The following AMPH variants were observed in gnomAD, a reference collection of about 807,000 sequenced individuals.
The protein encoded by AMPH is amphiphysin (Stiff-Mann syndrome with breast cancer 128kD autoantigen).
Under a neutral mutation model 99.1 loss-of-function variants are expected in AMPH, and 49 were observed. That is an observed-to-expected ratio of 0.49 (90% CI 0.39 to 0.63). AMPH has a LOEUF of 0.63. Ranked by LOEUF, AMPH falls within the 20% of genes least tolerant of loss-of-function variation. The pLI, the probability that AMPH is intolerant of heterozygous loss-of-function variation, is 0.00. For missense variants in AMPH, 759 were observed against 863.4 expected (o/e 0.88, Z 1.52); for synonymous variants, 314 against 317.3 (o/e 0.99, Z 0.11).
At chr7:38,507,177 T>C (rs1285412970) in intron 2 of AMPH, among the ~76,000 whole-genome samples, 2 of 152,152 alleles carry the variant, frequency 1.3e-5, no homozygotes, top group Non-Finnish European at 2.9e-5. Flanking sequence ...TGGATTCATC[T>C]TGTCGAAGGG....
At chr7:38,481,169 T>C (rs1788269506) in intron 5 of AMPH, among the ~76,000 whole-genome samples, 1 of 152,158 alleles carries the variant, frequency 6.6e-6, no homozygotes, top group Non-Finnish European at 1.5e-5. Context: ...TCAATCTTAT[T>C]TCCTTACCTA....
chr7:38,598,130 C>T (rs1228258574), intron 1 of AMPH, among the ~76,000 whole-genome samples: 1 of 152,196 alleles, frequency 6.6e-6, no homozygotes, highest in Non-Finnish European at 1.5e-5. Context: ...TAATTTTCCA[C>T]TGATTTGTCT....
intron 11 of AMPH, among the ~76,000 whole-genome samples, chr7:38,460,298 A>G (rs1366908183): frequency 6.6e-6 from 1 of 152,194 alleles, no homozygotes; most frequent in African/African-American, 2.4e-5. Flanking sequence ...CAAAAAAACT[A>G]AAAATAGAAC....
Position 38,394,085 on chromosome 7 carries a change from C to T in AMPH, c.1528G>A (p.Ala510Thr), listed in dbSNP as rs574824661. 5 of 1,614,156 alleles carry T rather than the reference C, an allele frequency of 3.1e-6. No individual in the cohort carries two copies. The highest frequency in any genetic ancestry group is 4.2e-6 in the Non-Finnish European group (5 of 1,180,034). ...PAGEGVSLEE[A>T]KIGTETTEGA... The stretch of plus-strand genomic sequence containing the variant: ...TCAGTGGTTTCAGTTCCAATTTTGG[C>T]CTCCTCTAAACTTACTCCTTCCCCG... Residue 510 changes from alanine (A) to threonine (T), a missense_variant, in exon 18 of 21, where the codon GCC becomes ACC. Physicochemically the swap from Ala to Thr is moderately conservative, Grantham distance 58 (BLOSUM62 0). Around this residue, in one of 2 missense-constraint regions of AMPH, gnomAD observed 554 missense variants for 575.6 expected, o/e 0.96. Transcript: ENST00000356264.
At chr7:38,552,470 C>T (rs1361102557) in intron 1 of AMPH, among the ~76,000 whole-genome samples, 1 of 152,164 alleles carries the variant, frequency 6.6e-6, no homozygotes, top group African/African-American at 2.4e-5. Context: ...AAGTAAGCAA[C>T]ATGAACTAAT....
At chr7:38,595,113 G>A (rs2129059354) in intron 1 of AMPH, among the ~76,000 whole-genome samples, 1 of 152,284 alleles carries the variant, frequency 6.6e-6, no homozygotes. Flanking sequence ...TGACCAGGGA[G>A]GGACAGAGGG....
At chr7:38,439,954 C>T (rs1448116599) in intron 11 of AMPH, among the ~76,000 whole-genome samples, 1 of 152,138 alleles carries the variant, frequency 6.6e-6, no homozygotes, top group East Asian at 1.9e-4. Flanking sequence ...GTGGGGTTGA[C>T]CATATGTCAT....
chr7:38,572,300 A>G (rs1792076915), intron 1 of AMPH, among the ~76,000 whole-genome samples: 1 of 152,178 alleles, frequency 6.6e-6, no homozygotes. Flanking sequence ...AGTTATCTAC[A>G]GTATTCAGTG....
chr7:38,506,052 T>C (rs1190920874), intron 2 of AMPH, among the ~76,000 whole-genome samples: 2 of 152,184 alleles, frequency 1.3e-5, no homozygotes, highest in Admixed American at 6.6e-5. Flanking sequence ...CATCACATGC[T>C]CCTGCCATTT....
chr7:38,578,627 C>A (rs1325835827), intron 1 of AMPH, among the ~76,000 whole-genome samples: 1 of 152,002 alleles, frequency 6.6e-6, no homozygotes. Context: ...AAATTAACCA[C>A]ATGCTGTGGC....
chr7:38,399,567 T>A (rs1273151225), intron 17 of AMPH, among the ~76,000 whole-genome samples: 2 of 152,240 alleles, frequency 1.3e-5, no homozygotes, highest in Non-Finnish European at 2.9e-5. Flanking sequence ...ATTGTTGTTG[T>A]CATGCATTTC....
chr7:38,549,421 A>C (rs936199460), intron 1 of AMPH, among the ~76,000 whole-genome samples: 5 of 152,256 alleles, frequency 3.3e-5, no homozygotes, highest in African/African-American at 1.2e-4. Context: ...CAGAATAGTC[A>C]AAACAATTTT....
chr7:38,501,285 G>A (rs1789125907), intron 3 of AMPH, among the ~76,000 whole-genome samples: 1 of 152,096 alleles, frequency 6.6e-6, no homozygotes, highest in South Asian at 2.1e-4. Context: ...TCACCTCCCG[G>A]GTTCAAGCAA....
At chr7:38,525,277 T>TATATAGAGAGAGAGAGAG (rs1481528083) in intron 2 of AMPH, among the ~76,000 whole-genome samples, 5 of 86,662 alleles carry the variant, frequency 5.8e-5, no homozygotes, top group African/African-American at 2.4e-4. Flanking sequence ...TATATATATA[T>TATATAGAGAGAGAGAGAG]AGAGAGAGAG....
Position 38,556,785 on chromosome 7 carries a change from G to A in AMPH, c.70-21774C>T, listed in dbSNP as rs143223077. 6.6e-5 allele frequency among the ~76,000 whole-genome samples: 10 copies of A among 152,212 alleles called. No individual in the cohort carries two copies. The South Asian group carries it at 1.0e-3, about 16-fold the overall frequency. On this transcript the variant is annotated intron_variant, in intron 1 of 20. Coordinates refer to ENST00000356264, the MANE Select transcript of AMPH (RefSeq NM_001635.4). Reference sequence around the variant, plus strand: ...GGGAAAGGGCTTTGTCTGGTATACCGCTATCCCCATTATGTGCTAGACATA... The same window carrying A: ...GGGAAAGGGCTTTGTCTGGTATACCACTATCCCCATTATGTGCTAGACATA...
At chr7:38,439,708 C>G (rs2128997415) in intron 11 of AMPH, among the ~76,000 whole-genome samples, 2 of 152,224 alleles carry the variant, frequency 1.3e-5, no homozygotes, top group Middle Eastern at 3.4e-3. Flanking sequence ...GAATGTGCTC[C>G]TAAGAAAGGA....
chr7:38,550,136 A>G (rs879770689), intron 1 of AMPH, among the ~76,000 whole-genome samples: 2 of 152,222 alleles, frequency 1.3e-5, no homozygotes, highest in African/African-American at 4.8e-5. Flanking sequence ...GTATGAAGCA[A>G]TAAGTATGCT....
intron 11 of AMPH, among the ~76,000 whole-genome samples, chr7:38,445,010 T>TATATATATATATATATATACAC (rs1458295332): frequency 7.9e-6 from 1 of 125,986 alleles, no homozygotes; most frequent in African/African-American, 2.9e-5. Context: ...TATATATATA[T>TATATATATATATATATATACAC]ACACACACAC....
In AMPH at chr7:38,583,450, A is replaced by G. The variant is rs78981511; in HGVS notation, c.69+47833T>C. Among the ~76,000 whole-genome samples the G allele has an allele frequency of 8.7e-3, 1,328 of 152,328 alleles. 13 individuals are homozygous for G. The highest frequency in any genetic ancestry group is 0.013 in the Non-Finnish European group (899 of 68,040). ...AAGCACAAGCCACACACCTTTTAATACTTAAACTTGAAATAATAATATGAA... is the reference window on the plus strand; with the variant it reads ...AAGCACAAGCCACACACCTTTTAATGCTTAAACTTGAAATAATAATATGAA... On this transcript the variant is annotated intron_variant, in intron 1 of 20. Coordinates refer to ENST00000356264, the MANE Select transcript of AMPH (RefSeq NM_001635.4).
Sources: gnomAD v4.1 joint callset for allele counts (sites outside exome capture counted in the v4.1 genomes callset) on GRCh38, gnomAD v4.1.1 for gene constraint, gnomAD v4.1.1 regional missense constraint, MANE v1.5 for transcripts, NCBI Gene and HGNC (gene_info 2026-07-23, HGNC 2026-07-21) for gene names.